Variants in PGLYRP4 observed in about 807,000 individuals in gnomAD.
PGLYRP4 encodes the protein peptidoglycan recognition protein 4, also known as PGRP-I-beta.
A neutral mutation model predicts 41.2 loss-of-function variants in PGLYRP4; 39 were observed. The ratio of observed to expected loss-of-function variants is 0.95; its 90% confidence interval spans 0.73 to 1.24. The LOEUF is 1.24. Among genes scored for constraint, PGLYRP4 ranks in the 50% most tolerant of loss-of-function variants. The pLI is 0.00. For synonymous variants in PGLYRP4, 202 were observed against 186.8 expected, an observed-to-expected ratio of 1.08 and a Z score of -0.66; for missense variants, 467 against 460.7, an observed-to-expected ratio of 1.01 and a Z score of -0.13.
chr1:153,343,251 G>A, intron 4 of PGLYRP4, 43 bp from the exon 5 acceptor site: 2 of 1,376,516 alleles, frequency 1.5e-6, no homozygotes, highest in South Asian at 1.2e-5. Flanking sequence ...GGCACTGTAG[G>A]ACATTCCTGA....
intron 8 of PGLYRP4, among the ~76,000 whole-genome samples, chr1:153,334,776 A>T (rs1660479494): frequency 6.6e-6 from 1 of 152,174 alleles, no homozygotes; most frequent in South Asian, 2.1e-4. Context: ...ATAAAGCTGG[A>T]GGTATCATAT....
chr1:153,341,727 A>G lies in PGLYRP4; in HGVS notation c.525T>C (p.Tyr175=), dbSNP rs1388362545. 1.2e-6 allele frequency: 2 copies of G among 1,614,078 alleles called. No homozygotes were observed. Among genetic ancestry groups the G allele is most frequent in the Non-Finnish European group, 1.7e-6 (2 of 1,180,012 alleles). Residue 175 remains tyrosine (Y), a synonymous_variant, in exon 6 of 9, where the codon TAT becomes TAC. Coordinates refer to ENST00000359650, the MANE Select transcript of PGLYRP4 (RefSeq NM_020393.4). Reference sequence around the variant, plus strand: ...ATGACAGGTGGCCCTTCTGGACAGCATAGGTGATTAGGTTTTCCATGGCCG... The same window carrying G: ...ATGACAGGTGGCCCTTCTGGACAGCGTAGGTGATTAGGTTTTCCATGGCCG... ...ALSAMENLIT[Y]AVQKGHLSSS...
At chr1:153,338,453 T>G (rs1007219301) in intron 7 of PGLYRP4, among the ~76,000 whole-genome samples, 1 of 152,132 alleles carries the variant, frequency 6.6e-6, no homozygotes, top group African/African-American at 2.4e-5. Flanking sequence ...TCCTAAAGGG[T>G]AGCCAGACTG....
chr1:153,337,055 G>T, intron 8 of PGLYRP4, 126 bp downstream of exon 8: 1 of 788,436 alleles, frequency 1.3e-6, no homozygotes, highest in South Asian at 1.4e-5. Flanking sequence ...TGTTGGATTG[G>T]AAGCTGGGTC....
At position 153,347,835 on chromosome 1, in the gene PGLYRP4, T is replaced by C. The variant is rs773708739; in HGVS notation, c.49+49A>G. On this transcript the variant is annotated intron_variant, in intron 2 of 8. Transcript: ENST00000359650. ...TTTTTTAATTCCTATTATGAGACTTTAGGATCACCCTTCTCGGTTGCTTTT... is the reference window on the plus strand; with the variant it reads ...TTTTTTAATTCCTATTATGAGACTTCAGGATCACCCTTCTCGGTTGCTTTT... 2.2e-6 allele frequency: 3 copies of C among 1,382,398 alleles called. No homozygotes were observed. The African/African-American group carries it at 4.2e-5, about 20-fold the overall frequency. The allele number at this position is 1,382,398 out of a possible 1,614,324, so 85.6% of individuals were successfully genotyped here. A position where few individuals can be genotyped will look rare whatever the true frequency, so the allele number is the denominator to read the frequency against.
chr1:153,345,943 G>C (rs1660991937), intron 3 of PGLYRP4, among the ~76,000 whole-genome samples, 159 bp downstream of exon 3: 1 of 152,116 alleles, frequency 6.6e-6, no homozygotes, highest in Non-Finnish European at 1.5e-5. Flanking sequence ...AAGGACCTGG[G>C]TAATTAATGC....
intron 3 of PGLYRP4, among the ~76,000 whole-genome samples, chr1:153,345,706 G>A (rs1461490997): frequency 2.6e-5 from 4 of 152,200 alleles, no homozygotes; most frequent in African/African-American, 7.2e-5. Context: ...GCCTGGCTTG[G>A]TGTCACCTCA....
Position 153,340,538 on chromosome 1 carries a change from C to T in PGLYRP4, c.667G>A (p.Glu223Lys), listed in dbSNP as rs757518869. The T allele has an allele frequency of 1.2e-6, 2 of 1,614,094 alleles. No individual in the cohort carries two copies. The highest frequency in any genetic ancestry group is 1.7e-6 in the Non-Finnish European group (2 of 1,180,022). Residue 223 changes from glutamate (E) to lysine (K), a missense_variant, in exon 7 of 9, where the codon GAG becomes AAG. Coordinates refer to ENST00000359650, the MANE Select transcript of PGLYRP4 (RefSeq NM_020393.4). ...VVPRSVWGAR[E>K]THCPRMTLPA... The stretch of plus-strand genomic sequence containing the variant: ...AGAGTCATCCTGGGACAGTGGGTCT[C>T]CCTGGCTCCCCACACAGACCGTGGG...
rs3766533 is a variant in PGLYRP4, at chr1:153,340,931, G to A, written c.626-352C>T. Among the ~76,000 whole-genome samples the A allele has an allele frequency of 2.8e-3, 420 of 152,306 alleles. 15 individuals carry two copies. In the East Asian group the frequency reaches 0.065, roughly 24 times the overall value. On this transcript the variant is annotated intron_variant, in intron 6 of 8. Coordinates refer to ENST00000359650, the MANE Select transcript of PGLYRP4 (RefSeq NM_020393.4). ...TTCTTTCAATCTTGATTAAGCCCAA[G>A]AAAAGGCTGAAAGTGCTTATTAAAT...
At chr1:153,343,845 T>C (rs1451792455) in intron 4 of PGLYRP4, among the ~76,000 whole-genome samples, 2 of 152,194 alleles carry the variant, frequency 1.3e-5, no homozygotes, top group South Asian at 2.1e-4. Flanking sequence ...AAAACACAGA[T>C]AAGACAGCTC....
chr1:153,344,852 G>C (rs909682926), intron 4 of PGLYRP4, among the ~76,000 whole-genome samples: 6 of 152,074 alleles, frequency 3.9e-5, no homozygotes, highest in African/African-American at 1.4e-4. Flanking sequence ...CCTACCAGTC[G>C]GGAGAGCTAA....
rs763817284 is a variant in PGLYRP4, at chr1:153,337,230, A to G, written c.894T>C (p.Pro298=). 1 of 1,613,920 alleles carries G rather than the reference A, an allele frequency of 6.2e-7. No homozygotes were observed. Among genetic ancestry groups the G allele is most frequent in the Admixed American group, 1.7e-5 (1 of 60,000 alleles). The change falls in exon 8 of 9, where the codon CCT becomes CCC. Residue 298 remains proline, a synonymous_variant. Transcript: ENST00000359650. ...TGCCCAGGGCAATGTCATCGTAGCC[A>G]GGGGTGGAGGAGCCTTGGACATTCC... ...VGWNVQGSST[P]GYDDIALGIT...
intron 8 of PGLYRP4, among the ~76,000 whole-genome samples, chr1:153,334,184 A>C (rs927222043): frequency 6.6e-6 from 1 of 152,060 alleles, no homozygotes; most frequent in Non-Finnish European, 1.5e-5. Context: ...CCTATATTTA[A>C]TAAATAATTT....
intron 5 of PGLYRP4, 106 bp from the exon 6 acceptor site, chr1:153,341,885 G>A: frequency 1.9e-6 from 2 of 1,026,518 alleles, no homozygotes; most frequent in East Asian, 2.5e-5. Flanking sequence ...TGATGGAGAG[G>A]AAGAAAAGGG....
At position 153,330,155 on chromosome 1, in the gene PGLYRP4, C is replaced by G. The variant is rs1310122791; in HGVS notation, c.*612G>C. 6.6e-6 allele frequency: 1 copy of G among 152,176 alleles called. No homozygotes were observed. The highest frequency in any genetic ancestry group is 1.5e-5 in the Non-Finnish European group (1 of 68,048). 9.4% of individuals were successfully genotyped at this position (152,176 alleles called of 1,614,324 possible). A position where few individuals can be genotyped will look rare whatever the true frequency, so the allele number is the denominator to read the frequency against. ...TTCATTCATTTATTCATCCATTTCT[C>G]TAATAAACATCAGTAGAACCCATTA... is the stretch of plus-strand genomic sequence containing the variant. On this transcript the variant is annotated 3_prime_UTR_variant, in exon 9 of 9. Coordinates refer to ENST00000359650, the MANE Select transcript of PGLYRP4 (RefSeq NM_020393.4).
In PGLYRP4 at chr1:153,337,243, C is replaced by A; in HGVS notation, c.881G>T (p.Gly294Val). Residue 294 changes from glycine (G) to valine (V), a missense_variant, in exon 8 of 9, where the codon GGC becomes GTC. Transcript: ENST00000359650. ...GTCATCGTAGCCAGGGGTGGAGGAG[C>A]CTTGGACATTCCAGCCCACCCCTTC... is the stretch of plus-strand genomic sequence containing the variant. ...IYEGVGWNVQ[G>V]SSTPGYDDIA... 1 of 1,613,764 alleles carries A rather than the reference C, an allele frequency of 6.2e-7. No homozygotes were observed. Among genetic ancestry groups the A allele is most frequent in the Non-Finnish European group, 8.5e-7 (1 of 1,179,848 alleles).
intron 8 of PGLYRP4, among the ~76,000 whole-genome samples, chr1:153,332,449 A>T (rs1317066023): frequency 6.6e-6 from 1 of 152,156 alleles, no homozygotes; most frequent in African/African-American, 2.4e-5. Flanking sequence ...TCAACACCCC[A>T]CTGACAGCAC....
rs1014604707 is a variant in PGLYRP4 at position 153,340,586 on chromosome 1, T to G, written c.626-7A>C. The G allele has an allele frequency of 6.2e-7, 1 of 1,613,038 alleles. No individual in the cohort carries two copies. Among genetic ancestry groups the G allele is most frequent in the African/African-American group, 1.3e-5 (1 of 74,992 alleles). Reference sequence around the variant, plus strand: ...GGGACAACGCCGGGGCAAGCTGAGGTGGGGCGAGAAACCACAGAGGGTTCA... The same window carrying G: ...GGGACAACGCCGGGGCAAGCTGAGGGGGGGCGAGAAACCACAGAGGGTTCA... On this transcript the variant is annotated splice_polypyrimidine_tract_variant and splice_region_variant and intron_variant, in intron 6 of 8. Coordinates refer to ENST00000359650, the MANE Select transcript of PGLYRP4 (RefSeq NM_020393.4).
chr1:153,346,478 GA>G (rs11375855), intron 2 of PGLYRP4, among the ~76,000 whole-genome samples: 2,389 of 149,016 alleles, frequency 0.016, 65 homozygotes, highest in African/African-American at 0.055. Flanking sequence ...AATTGGCGGG[GA>G]AAAAAAAAAA....
Sources: gnomAD v4.1 joint callset for allele counts (sites outside exome capture counted in the v4.1 genomes callset) on GRCh38, gnomAD v4.1.1 for gene constraint, MANE v1.5 for transcripts, NCBI Gene and HGNC (gene_info 2026-07-23, HGNC 2026-07-21) for gene names.